ABCC4: variants seen among roughly 807,000 people sequenced by gnomAD.
ABCC4 encodes ATP-binding cassette sub-family C member 4.
Under a neutral mutation model 168.5 loss-of-function variants are expected in ABCC4, and 102 were observed. The ratio of observed to expected loss-of-function variants is 0.61; its 90% confidence interval spans 0.52 to 0.71. ABCC4 has a LOEUF of 0.71. Among genes scored for constraint, ABCC4 ranks in the 30% least tolerant of loss-of-function variants. The pLI is 0.00. For missense variants in ABCC4, 1,402 were observed against 1,605.8 expected, an observed-to-expected ratio of 0.87 and a Z score of 2.17; for synonymous variants, 617 against 590.7, an observed-to-expected ratio of 1.04 and a Z score of -0.65.
At chr13:95,174,824 G>A (rs80051397) in intron 13 of ABCC4, among the ~76,000 whole-genome samples, 1 of 152,208 alleles carries the variant, frequency 6.6e-6, no homozygotes, top group African/African-American at 2.4e-5. Context: ...AGCAGGAAAC[G>A]AGGCTCTGAT....
intron 29 of ABCC4, among the ~76,000 whole-genome samples, chr13:95,038,583 T>C (rs1275723015): frequency 6.6e-6 from 1 of 151,340 alleles, no homozygotes; most frequent in African/African-American, 2.4e-5. Context: ...AGGTGAGGGG[T>C]GGGAGGACCG....
chr13:95,142,583 TA>T (rs575698241), intron 19 of ABCC4, among the ~76,000 whole-genome samples: 7,304 of 143,794 alleles, frequency 0.051, 231 homozygotes, highest in Middle Eastern at 0.14. Context: ...CCTATGGAAA[TA>T]AAAAAAAAAA....
intron 1 of ABCC4, among the ~76,000 whole-genome samples, chr13:95,288,625 G>T (rs1009165980): frequency 1.3e-5 from 2 of 152,098 alleles, no homozygotes; most frequent in African/African-American, 4.8e-5. Flanking sequence ...GGCCAACATG[G>T]CAAAGTCCCA....
At position 95,277,453 on chromosome 13, in the gene ABCC4, C is replaced by T. The variant is rs144363729; in HGVS notation, c.74+23788G>A. ...AAAATTAGCCGGGCATGGTGGCGGG[C>T]GCCTGTAATCTCAGTTATTTGGGAG... On this transcript the variant is annotated intron_variant, in intron 1 of 30. Transcript: ENST00000645237. 4.0e-3 allele frequency among the ~76,000 whole-genome samples: 613 copies of T among 151,872 alleles called. 5 individuals carry two copies. The highest frequency in any genetic ancestry group is 0.014 in the African/African-American group (587 of 41,420).
intron 1 of ABCC4, among the ~76,000 whole-genome samples, chr13:95,277,045 TAAAC>T (rs1228826688): frequency 1.3e-5 from 2 of 151,976 alleles, no homozygotes; most frequent in Non-Finnish European, 2.9e-5. Context: ...AATAAATAAA[TAAAC>T]AAAGTATACA....
At chr13:95,089,766 T>C (rs936824542) in intron 20 of ABCC4, among the ~76,000 whole-genome samples, 1 of 151,530 alleles carries the variant, frequency 6.6e-6, no homozygotes, top group Non-Finnish European at 1.5e-5. Flanking sequence ...CACATGATCA[T>C]ATAAATAGTG....
At chr13:95,141,611 T>C (rs567627571) in intron 19 of ABCC4, among the ~76,000 whole-genome samples, 11 of 152,278 alleles carry the variant, frequency 7.2e-5, no homozygotes, top group Non-Finnish European at 1.2e-4. Context: ...AGCCCATTTT[T>C]GAAAAGAACC....
chr13:95,197,478 CATG>C (rs1447782549), intron 8 of ABCC4, among the ~76,000 whole-genome samples: 1 of 152,166 alleles, frequency 6.6e-6, no homozygotes, highest in East Asian at 1.9e-4. Flanking sequence ...TGGAGACAGA[CATG>C]ATAATAGTTT....
intron 1 of ABCC4, chr13:95,266,319 T>A (rs150887527): frequency 6.6e-6 from 1 of 152,236 alleles, no homozygotes; most frequent in Non-Finnish European, 1.5e-5. Context: ...GAGACTCAAG[T>A]GATGCAGCCA....
At chr13:95,186,670 G>A (rs571700575) in intron 11 of ABCC4, 31 bp downstream of exon 11, 36 of 1,591,462 alleles carry the variant, frequency 2.3e-5, no homozygotes, top group Admixed American at 8.6e-5. Context: ...CTGGACATTC[G>A]AGTACATGAA....
intron 20 of ABCC4, among the ~76,000 whole-genome samples, chr13:95,088,863 A>T: frequency 6.6e-6 from 1 of 152,014 alleles, no homozygotes; most frequent in Middle Eastern, 3.2e-3. Flanking sequence ...GGAGAAAATG[A>T]TTAAATAGAA....
intron 20 of ABCC4, among the ~76,000 whole-genome samples, chr13:95,107,027 T>C (rs956133975): frequency 3.9e-5 from 6 of 152,056 alleles, no homozygotes; most frequent in Non-Finnish European, 5.9e-5. Flanking sequence ...GAGGCTGATA[T>C]GGGTGGACCA....
intron 20 of ABCC4, chr13:95,095,971 TG>T: frequency 2.5e-6 from 1 of 394,628 alleles, no homozygotes; most frequent in Non-Finnish European, 4.5e-6. Context: ...GATATTTAAT[TG>T]GTCAATAAAC....
At chr13:95,058,292 T>C (rs1353212245) in intron 26 of ABCC4, among the ~76,000 whole-genome samples, 1 of 152,118 alleles carries the variant, frequency 6.6e-6, no homozygotes, top group Non-Finnish European at 1.5e-5. Flanking sequence ...TGGGAACCTT[T>C]TGTAAGTTGG....
chr13:95,062,893 A>T lies in ABCC4; in HGVS notation c.3211-34T>A, dbSNP rs11568654. 8,719 of 1,179,446 alleles carry T rather than the reference A, an allele frequency of 7.4e-3. 479 individuals are homozygous for T. The African/African-American group carries it at 0.15, about 21-fold the overall frequency. 73.1% of individuals were successfully genotyped at this position (1,179,446 alleles called of 1,614,324 possible). On this transcript the variant is annotated intron_variant, in intron 25 of 30. Coordinates refer to ENST00000645237, the MANE Select transcript of ABCC4 (RefSeq NM_005845.5). Reference sequence around the variant, plus strand: ...AGATCCAGGCGGCAGGATTAAAAAAAAAAAGAAAAAAATCACAGGATGCAG... The same window carrying T: ...AGATCCAGGCGGCAGGATTAAAAAATAAAAGAAAAAAATCACAGGATGCAG...
At chr13:95,291,949 AAATAAT>A (rs142861031) in intron 1 of ABCC4, among the ~76,000 whole-genome samples, 43,910 of 151,716 alleles carry the variant, frequency 0.29, 7,991 homozygotes, top group African/African-American at 0.52. Context: ...CCATTTAAAG[AAATAAT>A]AATAATAAGA....
At chr13:95,234,964 C>T (rs891197535) in intron 3 of ABCC4, 130 bp from the exon 4 acceptor site, 42 of 693,508 alleles carry the variant, frequency 6.1e-5, no homozygotes, top group Non-Finnish European at 9.9e-5. Flanking sequence ...AATCCCAGCT[C>T]ACAGCAGCCT....
rs139731483 is a variant in ABCC4, at chr13:95,201,710, T to C, written c.1161+4822A>G. On this transcript the variant is annotated intron_variant, in intron 8 of 30. Transcript: ENST00000645237. ...GTGATGGGCCGGGTGCGGTGGCTTA[T>C]ACCTGTAATCCCAGCACTTTGGGAT... Among the ~76,000 whole-genome samples, 1,159 of 152,268 alleles carry C rather than the reference T, an allele frequency of 7.6e-3. 60 individuals carry two copies. Among genetic ancestry groups the C allele is most frequent in the Admixed American group, 0.067 (1,030 of 15,286 alleles).
At chr13:95,033,118 C>T (rs367698966) in intron 30 of ABCC4, among the ~76,000 whole-genome samples, 2 of 151,742 alleles carry the variant, frequency 1.3e-5, no homozygotes, top group African/African-American at 4.8e-5. Context: ...TACAGGCAAT[C>T]GCCACTTCAC....
Sources: gnomAD v4.1 joint callset for allele counts (sites outside exome capture counted in the v4.1 genomes callset) on GRCh38, gnomAD v4.1.1 for gene constraint, MANE v1.5 for transcripts, NCBI Gene and HGNC (gene_info 2026-07-23, HGNC 2026-07-21) for gene names.